Variants in ARID1B observed in about 807,000 individuals in gnomAD.
ARID1B encodes the protein AT-rich interactive domain-containing protein 1B.
In ARID1B, 30 loss-of-function variants were observed where a neutral mutation model predicts 212.3. That is an observed-to-expected ratio of 0.14 (90% confidence interval 0.11 to 0.19). ARID1B has a LOEUF of 0.19. Among genes scored for constraint, ARID1B ranks in the 10% least tolerant of loss-of-function variants. ARID1B has a pLI of 1.00. For missense variants in ARID1B, 2,891 were observed against 3,204.0 expected, an observed-to-expected ratio of 0.90 and a Z score of 2.36; for synonymous variants, 1,402 against 1,301.7, an observed-to-expected ratio of 1.08 and a Z score of -1.66.
At chr6:156,866,052 T>A (rs1258820127) in intron 2 of ARID1B, among the ~76,000 whole-genome samples, 1 of 152,206 alleles carries the variant, frequency 6.6e-6, no homozygotes, top group African/African-American at 2.4e-5. Flanking sequence ...TAAGAACTAC[T>A]GTGGGGACCT....
At chr6:156,853,389 A>T (rs571673261) in intron 2 of ARID1B, among the ~76,000 whole-genome samples, 1 of 152,292 alleles carries the variant, frequency 6.6e-6, no homozygotes, top group East Asian at 1.9e-4. Flanking sequence ...CTAATGGTAG[A>T]CCCAGTCCTC....
intron 2 of ARID1B, among the ~76,000 whole-genome samples, chr6:156,848,480 G>A (rs1784370188): frequency 6.6e-6 from 1 of 152,172 alleles, no homozygotes; most frequent in Non-Finnish European, 1.5e-5. Flanking sequence ...CCAAAATGAA[G>A]TATCTACCCA....
chr6:157,170,813 G>A (rs985463822), intron 9 of ARID1B, among the ~76,000 whole-genome samples: 2 of 152,204 alleles, frequency 1.3e-5, no homozygotes, highest in Non-Finnish European at 2.9e-5. Flanking sequence ...TATCCAATGA[G>A]AGCAGTGCGT....
intron 4 of ARID1B, among the ~76,000 whole-genome samples, chr6:157,066,973 G>T (rs1329296342): frequency 6.6e-6 from 1 of 151,952 alleles, no homozygotes; most frequent in Non-Finnish European, 1.5e-5. Flanking sequence ...CAGAGAGCTG[G>T]ATTGAAATCA....
intron 4 of ARID1B, among the ~76,000 whole-genome samples, chr6:156,992,878 AG>A (rs1487592191): frequency 6.6e-6 from 1 of 152,144 alleles, no homozygotes; most frequent in Non-Finnish European, 1.5e-5. Flanking sequence ...CAGTTAGCCA[AG>A]TTTATGTTTT....
chr6:156,840,433 G>T (rs1457847478), intron 2 of ARID1B, among the ~76,000 whole-genome samples: 1 of 152,180 alleles, frequency 6.6e-6, no homozygotes, highest in Non-Finnish European at 1.5e-5. Context: ...TTTTCCACGG[G>T]TGTGGACCCA....
At chr6:156,949,330 C>T (rs1793405291) in intron 4 of ARID1B, among the ~76,000 whole-genome samples, 1 of 152,096 alleles carries the variant, frequency 6.6e-6, no homozygotes, top group African/African-American at 2.4e-5. Flanking sequence ...CATTTCACAC[C>T]TAATTGAGCT....
chr6:156,819,543 C>G (rs1264562450), intron 1 of ARID1B, among the ~76,000 whole-genome samples: 2 of 152,160 alleles, frequency 1.3e-5, no homozygotes, highest in Admixed American at 6.5e-5. Flanking sequence ...GGGGATGAAG[C>G]TAATAATAGG....
intron 3 of ARID1B, among the ~76,000 whole-genome samples, chr6:156,924,188 G>A (rs1237404959): frequency 6.6e-6 from 1 of 152,178 alleles, no homozygotes; most frequent in Non-Finnish European, 1.5e-5. Flanking sequence ...CAGGGGATGG[G>A]ATAAGTTCCA....
intron 1 of ARID1B, among the ~76,000 whole-genome samples, chr6:156,816,379 T>C (rs1273237113): frequency 6.6e-6 from 1 of 152,240 alleles, no homozygotes; most frequent in Non-Finnish European, 1.5e-5. Flanking sequence ...CACTTGGGTT[T>C]CTTTAATTTT....
intron 12 of ARID1B, 48 bp downstream of exon 12, chr6:157,181,226 G>A (rs2128318203): frequency 6.3e-7 from 1 of 1,590,520 alleles, no homozygotes; most frequent in Non-Finnish European, 8.6e-7. Context: ...TTGTGGATAA[G>A]TTCTTACAGT....
chr6:157,151,574 A>G (rs1374174599), intron 8 of ARID1B: 1 of 152,260 alleles, frequency 6.6e-6, no homozygotes, highest in African/African-American at 2.4e-5. Context: ...ATACAGCAAC[A>G]AAAAGTATCT....
intron 13 of ARID1B, chr6:157,184,898 C>T (rs1361904947): frequency 5.5e-6 from 1 of 181,868 alleles, no homozygotes; most frequent in Non-Finnish European, 1.2e-5. Context: ...TAAAATGAAG[C>T]CTGGGCTTCG....
chr6:157,037,548 A>G (rs1781409492), intron 4 of ARID1B, among the ~76,000 whole-genome samples: 1 of 152,234 alleles, frequency 6.6e-6, no homozygotes, highest in African/African-American at 2.4e-5. Flanking sequence ...TTCGGGTAGA[A>G]CAGCCACCAT....
At chr6:157,030,010 T>C (rs1237496001) in intron 4 of ARID1B, among the ~76,000 whole-genome samples, 1 of 152,248 alleles carries the variant, frequency 6.6e-6, no homozygotes, top group Non-Finnish European at 1.5e-5. Flanking sequence ...TTTAAAGTTG[T>C]ACAGTGCATC....
intron 15 of ARID1B, chr6:157,194,084 A>T (rs1583487847): frequency 6.6e-6 from 1 of 152,220 alleles, no homozygotes; most frequent in East Asian, 1.9e-4. Context: ...ATTATTAGTG[A>T]ACTCACACAT....
At chr6:157,119,820 C>G (rs968927268) in intron 6 of ARID1B, 1 of 152,208 alleles carries the variant, frequency 6.6e-6, no homozygotes, top group African/African-American at 2.4e-5. Flanking sequence ...GGGACCGTGG[C>G]CTTGTCAGTT....
chr6:157,174,076 G>A lies in ARID1B; in HGVS notation c.3304G>A (p.Gly1102Ser), dbSNP rs375023508. 1.9e-5 allele frequency: 31 copies of A among 1,613,972 alleles called. No homozygotes were observed. The highest frequency in any genetic ancestry group is 1.6e-4 in the Middle Eastern group (1 of 6,084). Residue 1102 changes from glycine to serine, a missense_variant, in exon 10 of 20, where the codon GGC becomes AGC. Around this residue, in one of 7 missense-constraint regions of ARID1B, gnomAD observed 1,643 missense variants for 1,544.0 expected, o/e 1.06. Transcript: ENST00000636930. ...ACTGCCCCTGCCTCTCAAAGCAGAC[G>A]GCAAAGAAGAAGGCACTCCACAGCC... is the stretch of plus-strand genomic sequence containing the variant. Reference protein sequence around the residue: ...SKLPLPLKADGKEEGTPQPES... With the variant: ...SKLPLPLKADSKEEGTPQPES...
chr6:156,977,417 A>T (rs1275254288), intron 4 of ARID1B, among the ~76,000 whole-genome samples: 1 of 151,934 alleles, frequency 6.6e-6, no homozygotes, highest in Non-Finnish European at 1.5e-5. Flanking sequence ...GTTTTCATTT[A>T]AAAATTACCA....
Sources: gnomAD v4.1 joint callset for allele counts (sites outside exome capture counted in the v4.1 genomes callset) on GRCh38, gnomAD v4.1.1 for gene constraint, gnomAD v4.1.1 regional missense constraint, MANE v1.5 for transcripts, NCBI Gene and HGNC (gene_info 2026-07-23, HGNC 2026-07-21) for gene names.